XCL1: variants seen among roughly 807,000 people sequenced by gnomAD.
The protein encoded by XCL1 is X-C motif chemokine ligand 1.
In XCL1, 6 loss-of-function variants were observed where a neutral mutation model predicts 7.4. That is an observed-to-expected ratio of 0.82 (90% CI 0.45 to 1.61). XCL1 has a LOEUF of 1.61. Ranked by LOEUF, XCL1 falls within the 40% of genes most tolerant of loss-of-function variation. XCL1 has a pLI of 0.01. For synonymous variants in XCL1, 48 were observed against 52.4 expected, an observed-to-expected ratio of 0.92 and a Z score of 0.36; for missense variants, 122 against 138.2, an observed-to-expected ratio of 0.88 and a Z score of 0.59.
At chr1:168,578,927 C>A (rs549385090) in intron 1 of XCL1, 2 of 369,574 alleles carry the variant, frequency 5.4e-6, no homozygotes, top group South Asian at 4.4e-5. Flanking sequence ...ACAGGACAGA[C>A]AGAAAGTTAA....
chr1:168,576,751 G>A (rs1655033613), intron 1 of XCL1, 53 bp downstream of exon 1: 18 of 1,612,562 alleles, frequency 1.1e-5, no homozygotes, highest in Non-Finnish European at 1.4e-5. Context: ...AGGCAGGTGG[G>A]CACACATTTT....
At position 168,576,681 on chromosome 1, in the gene XCL1, C is replaced by T. The variant is rs1370861469; in HGVS notation, c.44C>T (p.Thr15Ile). The T allele has an allele frequency of 2.5e-6, 4 of 1,613,656 alleles. No homozygotes were observed. The highest frequency in any genetic ancestry group is 3.4e-6 in the Non-Finnish European group (4 of 1,179,824). ...GCCCTCCTTGGCATCTGCTCTCTCA[C>T]TGCATACATTGTGGAAGGTAAGTGG... The part of the protein sequence containing the change: ...ILALLGICSL[T>I]AYIVEGVGSE... The change falls in exon 1 of 3, where the codon ACT becomes ATT. Residue 15 changes from threonine to isoleucine, a missense_variant. Physicochemically the swap from Thr to Ile is moderately conservative, Grantham distance 89. Transcript: ENST00000367818.
rs113445679 is a variant in XCL1, at chr1:168,581,191, A to T, written c.316A>T (p.Thr106Ser). 1.3e-3 allele frequency: 2,097 copies of T among 1,613,642 alleles called. 36 individuals carry two copies. In the African/African-American group the frequency reaches 0.024, roughly 19 times the overall value. The change falls in exon 3 of 3, where the codon ACC (threonine) becomes TCC (serine). Residue 106 changes from threonine to serine, a missense_variant. By Grantham distance (58) the Thr-to-Ser change is moderately conservative. Transcript: ENST00000367818. ...QTKPTGTQQS[T>S]NTAVTLTG ...CAAGCCAACAGGAACCCAGCAATCGACCAATACAGCTGTGACTCTGACTGG... is the reference window on the plus strand; with the variant it reads ...CAAGCCAACAGGAACCCAGCAATCGTCCAATACAGCTGTGACTCTGACTGG...
At chr1:168,576,810 C>G in intron 1 of XCL1, 112 bp downstream of exon 1, 8 of 1,406,496 alleles carry the variant, frequency 5.7e-6, no homozygotes, top group South Asian at 2.5e-5. Context: ...CCCAGGGGAG[C>G]CTTAAACTTC....
intron 1 of XCL1, 122 bp downstream of exon 1, chr1:168,576,820 C>T (rs1655035437): frequency 2.3e-6 from 3 of 1,304,360 alleles, no homozygotes; most frequent in Non-Finnish European, 3.2e-6. Context: ...CCTTAAACTT[C>T]CCATGTGCAA....
intron 1 of XCL1, among the ~76,000 whole-genome samples, chr1:168,578,364 C>A (rs1655076578): frequency 1.3e-5 from 2 of 152,110 alleles, no homozygotes; most frequent in South Asian, 4.1e-4. Flanking sequence ...TGCCTATTTC[C>A]CTGGGAAGCA....
At chr1:168,580,375 G>A (rs1655133633) in intron 2 of XCL1, among the ~76,000 whole-genome samples, 198 bp downstream of exon 2, 2 of 152,178 alleles carry the variant, frequency 1.3e-5, no homozygotes, top group African/African-American at 4.8e-5. Context: ...CAGAAATTGG[G>A]CTGCCAAAGA....
chr1:168,577,720 T>A, intron 1 of XCL1, among the ~76,000 whole-genome samples: 1 of 152,330 alleles, frequency 6.6e-6, no homozygotes, highest in East Asian at 1.9e-4. Flanking sequence ...TTAGGCCACA[T>A]GTTGCTACCT....
Position 168,581,297 on chromosome 1 carries a change from A to T in XCL1, c.*77A>T. 1 of 1,515,376 alleles carries T rather than the reference A, an allele frequency of 6.6e-7. No individual in the cohort carries two copies. The highest frequency in any genetic ancestry group is 8.9e-7 in the Non-Finnish European group (1 of 1,126,784). 93.9% of individuals were successfully genotyped at this position (1,515,376 alleles called of 1,614,324 possible). ...ACGCTCATGGACTGAGTTTATACTCACCTTTTATGAAAGCACTGCATGAAT... is the reference window on the plus strand; with the variant it reads ...ACGCTCATGGACTGAGTTTATACTCTCCTTTTATGAAAGCACTGCATGAAT... On this transcript the variant is annotated 3_prime_UTR_variant, in exon 3 of 3. Coordinates refer to ENST00000367818, the MANE Select transcript of XCL1 (RefSeq NM_002995.3).
rs1178046734 is a variant in XCL1, at chr1:168,581,896, A to G, written c.*676A>G. ...AAATCAATACCCTTTGAATTGGACA[A>G]TAATCTCACTACCTTATTAGGATTT... On this transcript the variant is annotated 3_prime_UTR_variant, in exon 3 of 3. Coordinates refer to ENST00000367818, the MANE Select transcript of XCL1 (RefSeq NM_002995.3). The G allele has an allele frequency of 6.6e-6, 1 of 152,236 alleles. No individual in the cohort carries two copies. Among genetic ancestry groups the G allele is most frequent in the Admixed American group, 6.5e-5 (1 of 15,274 alleles). 9.4% of individuals were successfully genotyped at this position (152,236 alleles called of 1,614,324 possible).
intron 1 of XCL1, among the ~76,000 whole-genome samples, chr1:168,576,954 A>G (rs1385877785): frequency 5.9e-5 from 9 of 152,224 alleles, no homozygotes; most frequent in Admixed American, 2.0e-4. Flanking sequence ...TTAACCACTC[A>G]GGGCCTGTGC....
chr1:168,580,551 T>A (rs1380431677), intron 2 of XCL1, among the ~76,000 whole-genome samples: 1 of 152,130 alleles, frequency 6.6e-6, no homozygotes, highest in Non-Finnish European at 1.5e-5. Context: ...TCCCATACTT[T>A]TATCAGTTGC....
chr1:168,577,371 G>T (rs868779257), intron 1 of XCL1, among the ~76,000 whole-genome samples: 1 of 152,106 alleles, frequency 6.6e-6, no homozygotes, highest in African/African-American at 2.4e-5. Context: ...TTCTGTTTTT[G>T]TAAGAGAACA....
chr1:168,576,782 C>T (rs1056252796), intron 1 of XCL1, 84 bp downstream of exon 1: 7 of 1,586,448 alleles, frequency 4.4e-6, no homozygotes, highest in East Asian at 4.5e-5. Flanking sequence ...CAGGTTATGA[C>T]TGGACTAACC....
In XCL1 at chr1:168,580,178, G is replaced by A. The variant is rs776834842; in HGVS notation, c.176+1G>A. ...CGGAAGGCTCCTTGAGAGCAGTAATGTGAGTCTGCCTCCTCAGAAGTTGTG... is the reference window on the plus strand; with the variant it reads ...CGGAAGGCTCCTTGAGAGCAGTAATATGAGTCTGCCTCCTCAGAAGTTGTG... On this transcript the variant is annotated splice_donor_variant, in intron 2 of 2. Transcript: ENST00000367818. LOFTEE classifies it high-confidence loss of function. The A allele has an allele frequency of 3.7e-6, 6 of 1,613,604 alleles. No homozygotes were observed. The highest frequency in any genetic ancestry group is 1.3e-5 in the African/African-American group (1 of 74,986).
intron 1 of XCL1, among the ~76,000 whole-genome samples, chr1:168,577,430 A>G (rs1026940142): frequency 1.3e-5 from 2 of 152,208 alleles, no homozygotes; most frequent in African/African-American, 4.8e-5. Context: ...ACACAGTTCA[A>G]TAAACCTGCA....
intron 1 of XCL1, among the ~76,000 whole-genome samples, chr1:168,577,535 A>G (rs779505882): frequency 9.2e-5 from 14 of 152,166 alleles, no homozygotes; most frequent in Non-Finnish European, 1.6e-4. Context: ...ACTGGAGTGA[A>G]TCTGTCGACT....
At chr1:168,580,276 A>G in intron 2 of XCL1, 99 bp downstream of exon 2, 3 of 1,327,578 alleles carry the variant, frequency 2.3e-6, no homozygotes, top group African/African-American at 1.5e-5. Flanking sequence ...GTAGGTCAGC[A>G]TAGAGGAACA....
intron 1 of XCL1, 97 bp from the exon 2 acceptor site, chr1:168,579,966 C>A (rs1236253311): frequency 3.7e-5 from 48 of 1,281,110 alleles, no homozygotes; most frequent in Non-Finnish European, 5.0e-5. Context: ...GCCTTAAATT[C>A]TCACAACATT....
Sources: gnomAD v4.1 joint callset for allele counts (sites outside exome capture counted in the v4.1 genomes callset) on GRCh38, gnomAD v4.1.1 for gene constraint, MANE v1.5 for transcripts, NCBI Gene and HGNC (gene_info 2026-07-23, HGNC 2026-07-21) for gene names.